The following CHST11 variants were observed in gnomAD, a reference collection of about 807,000 sequenced individuals.
CHST11 encodes the protein carbohydrate sulfotransferase 11, also known as C4S-1.
In CHST11, 9 loss-of-function variants were observed where a neutral mutation model predicts 30.4. The ratio of observed to expected loss-of-function variants is 0.30; its 90% confidence interval spans 0.18 to 0.52. The LOEUF (loss-of-function observed/expected upper bound fraction) is 0.52. Ranked by LOEUF, CHST11 falls within the 20% of genes least tolerant of loss-of-function variation. CHST11 has a pLI of 0.97. For missense variants in CHST11, 348 were observed against 460.6 expected, an observed-to-expected ratio of 0.76 and a Z score of 2.24; for synonymous variants, 152 against 187.8, an observed-to-expected ratio of 0.81 and a Z score of 1.56.
chr12:104,736,477 A>G (rs1032947898), intron 2 of CHST11, among the ~76,000 whole-genome samples: 1 of 152,196 alleles, frequency 6.6e-6, no homozygotes, highest in African/African-American at 2.4e-5. Context: ...AGTCCCATGT[A>G]TTTCCAGATG....
chr12:104,605,420 A>G (rs1003811308), intron 2 of CHST11, among the ~76,000 whole-genome samples: 1 of 152,176 alleles, frequency 6.6e-6, no homozygotes, highest in Non-Finnish European at 1.5e-5. Context: ...TCCACTAAAA[A>G]TACAAAAAAT....
intron 1 of CHST11, among the ~76,000 whole-genome samples, chr12:104,494,691 G>C (rs867770591): frequency 6.6e-6 from 1 of 152,142 alleles, no homozygotes; most frequent in Non-Finnish European, 1.5e-5. Context: ...ACTGTGGGGT[G>C]GGGTGCGGGC....
At chr12:104,731,791 C>T (rs572324942) in intron 2 of CHST11, among the ~76,000 whole-genome samples, 8 of 152,382 alleles carry the variant, frequency 5.2e-5, no homozygotes, top group African/African-American at 1.7e-4. Context: ...AATGTCCATC[C>T]GTGTCATGAT....
intron 1 of CHST11, among the ~76,000 whole-genome samples, chr12:104,499,112 G>A (rs926039052): frequency 6.6e-6 from 1 of 152,138 alleles, no homozygotes; most frequent in Non-Finnish European, 1.5e-5. Context: ...CATGATTCTT[G>A]TTTTTCAGTT....
At chr12:104,489,542 G>C (rs572676742) in intron 1 of CHST11, among the ~76,000 whole-genome samples, 1 of 151,970 alleles carries the variant, frequency 6.6e-6, no homozygotes, top group Non-Finnish European at 1.5e-5. Flanking sequence ...GCAGTGGCAC[G>C]ATCTTGGCTC....
chr12:104,669,809 C>T (rs934656996), intron 2 of CHST11, among the ~76,000 whole-genome samples: 39 of 152,296 alleles, frequency 2.6e-4, no homozygotes, highest in African/African-American at 7.9e-4. Context: ...CCAGCCTGCC[C>T]GTGTCCAGAT....
At chr12:104,715,045 G>C (rs1367730473) in intron 2 of CHST11, among the ~76,000 whole-genome samples, 3 of 152,184 alleles carry the variant, frequency 2.0e-5, no homozygotes, top group African/African-American at 7.2e-5. Context: ...TCTGGCTCCT[G>C]TGCCAGCCTT....
chr12:104,738,353 C>T (rs949312824), intron 2 of CHST11, among the ~76,000 whole-genome samples: 4 of 152,216 alleles, frequency 2.6e-5, no homozygotes, highest in Non-Finnish European at 5.9e-5. Context: ...AGATGGCCTT[C>T]GGCGCCAGCT....
At chr12:104,484,026 T>A (rs1208829812) in intron 1 of CHST11, among the ~76,000 whole-genome samples, 1 of 152,240 alleles carries the variant, frequency 6.6e-6, no homozygotes, top group East Asian at 1.9e-4. Flanking sequence ...CTGCTGTTTC[T>A]ACTGCTACAT....
At chr12:104,751,794 A>C (rs2040433858) in intron 2 of CHST11, among the ~76,000 whole-genome samples, 1 of 152,224 alleles carries the variant, frequency 6.6e-6, no homozygotes, top group Non-Finnish European at 1.5e-5. Context: ...CAAATAGAGG[A>C]ACTGAGACTC....
chr12:104,596,081 G>A (rs2038903987), intron 1 of CHST11, among the ~76,000 whole-genome samples: 1 of 152,174 alleles, frequency 6.6e-6, no homozygotes. Context: ...CTGACTTTGG[G>A]TCCCCCAGGT....
rs11613954 is a variant in CHST11 at position 104,513,128 on chromosome 12, G to T, written c.118+55599G>T. Among the ~76,000 whole-genome samples, 6 of 82,124 alleles carry T rather than the reference G, an allele frequency of 7.3e-5. 1 individual carries two copies. The highest frequency in any genetic ancestry group is 1.5e-4 in the Non-Finnish European group (6 of 39,672). The allele number at this position is 82,124 out of a possible 152,430, so 53.9% of individuals were successfully genotyped here. On this transcript the variant is annotated intron_variant, in intron 1 of 2. Transcript: ENST00000303694. ...GTGCTTCCAAATGTCATGACTGGGG[G>T]GGGGGGGGGTTGGGGGTGGGGAGGG...
rs187101755 is a variant in CHST11 at position 104,616,598 on chromosome 12, A to G, written c.204+14607A>G. The stretch of plus-strand genomic sequence containing the variant: ...CTCCTGCCTCAGCCTGCTGAGTAGC[A>G]GGGACTACAGGCGCACACCACCACG... On this transcript the variant is annotated intron_variant, in intron 2 of 2. Coordinates refer to ENST00000303694, the MANE Select transcript of CHST11 (RefSeq NM_018413.6). Among the ~76,000 whole-genome samples the G allele has an allele frequency of 3.7e-3, 558 of 151,954 alleles. 4 individuals are homozygous for G. Among genetic ancestry groups the G allele is most frequent in the African/African-American group, 0.012 (514 of 41,448 alleles).
At chr12:104,466,229 G>A (rs2037456342) in intron 1 of CHST11, among the ~76,000 whole-genome samples, 1 of 152,136 alleles carries the variant, frequency 6.6e-6, no homozygotes, top group Non-Finnish European at 1.5e-5. Context: ...GCATAAGGGG[G>A]CTGGAGGAAT....
chr12:104,524,290 A>G (rs2038102148), intron 1 of CHST11, among the ~76,000 whole-genome samples: 1 of 152,162 alleles, frequency 6.6e-6, no homozygotes, highest in African/African-American at 2.4e-5. Flanking sequence ...TATGGAGTGT[A>G]CAGTTGCTAG....
In CHST11 at chr12:104,625,551, C is replaced by T. The variant is rs930230364; in HGVS notation, c.204+23560C>T. Among the ~76,000 whole-genome samples the T allele has an allele frequency of 5.3e-5, 8 of 152,310 alleles. No homozygotes were observed. In the East Asian group the frequency reaches 5.8e-4, roughly 11 times the overall value. On this transcript the variant is annotated intron_variant, in intron 2 of 2. Coordinates refer to ENST00000303694, the MANE Select transcript of CHST11 (RefSeq NM_018413.6). ...AACTCCTGACCTCAGGCGATCCGCC[C>T]GCCTTGGCCTCCCAAAGTGCTGAGA... is the stretch of plus-strand genomic sequence containing the variant.
intron 1 of CHST11, among the ~76,000 whole-genome samples, chr12:104,592,372 A>C (rs1233408211): frequency 6.6e-6 from 1 of 152,150 alleles, no homozygotes; most frequent in Non-Finnish European, 1.5e-5. Context: ...GCATTGGCAG[A>C]TTTGGTGTCT....
At chr12:104,475,613 A>T (rs191202376) in intron 1 of CHST11, among the ~76,000 whole-genome samples, 2 of 134,214 alleles carry the variant, frequency 1.5e-5, no homozygotes, top group African/African-American at 5.3e-5. Context: ...CTCCTTCACC[A>T]TCATCTCCCT....
intron 2 of CHST11, among the ~76,000 whole-genome samples, chr12:104,664,581 C>CA (rs2136090524): frequency 6.6e-6 from 1 of 152,262 alleles, no homozygotes; most frequent in East Asian, 1.9e-4. Context: ...AGTCCCTCCT[C>CA]AGACAGAGCA....
Sources: allele counts gnomAD v4.1 joint callset (sites outside exome capture counted in the v4.1 genomes callset), GRCh38; gene constraint gnomAD v4.1.1; transcripts MANE v1.5; gene names NCBI Gene and HGNC (gene_info 2026-07-23, HGNC 2026-07-21).